The following SPATA17 variants were observed in gnomAD, a reference collection of about 807,000 sequenced individuals.
The protein encoded by SPATA17 is spermatogenesis-associated protein 17.
A neutral mutation model predicts 62.2 loss-of-function variants in SPATA17; 53 were observed. The ratio of observed to expected loss-of-function variants is 0.85; its 90% CI spans 0.68 to 1.07. The LOEUF (loss-of-function observed/expected upper bound fraction) is 1.07. Ranked by LOEUF, SPATA17 falls within the 50% of genes least tolerant of loss-of-function variation. The pLI is 0.00. For missense variants in SPATA17, 466 were observed against 425.5 expected (o/e 1.10, Z -0.84); for synonymous variants, 146 against 146.8 (o/e 0.99, Z 0.04).
In SPATA17 at chr1:217,792,273, C is replaced by T. The variant is rs190495781; in HGVS notation, c.873-9445C>T. 6.6e-3 allele frequency among the ~76,000 whole-genome samples: 1,005 copies of T among 152,054 alleles called. 13 individuals are homozygous for T. The highest frequency in any genetic ancestry group is 7.9e-3 in the Non-Finnish European group (535 of 67,988). On this transcript the variant is annotated intron_variant, in intron 8 of 10. Transcript: ENST00000366933. ...ATCACTGTCTCAGAGCTTTCTTACTCGCAAAGAACAAAGATCCATTCAAGG... is the reference window on the plus strand; with the variant it reads ...ATCACTGTCTCAGAGCTTTCTTACTTGCAAAGAACAAAGATCCATTCAAGG...
chr1:217,686,544 C>T (rs1350418295), intron 5 of SPATA17, among the ~76,000 whole-genome samples: 3 of 137,154 alleles, frequency 2.2e-5, no homozygotes, highest in African/African-American at 7.8e-5. Flanking sequence ...TTTCTTTTAA[C>T]TTATTTTTGT....
intron 9 of SPATA17, among the ~76,000 whole-genome samples, chr1:217,840,885 T>A (rs899451321): frequency 1.3e-5 from 2 of 151,670 alleles, no homozygotes; most frequent in African/African-American, 4.8e-5. Flanking sequence ...AAAATAATAA[T>A]AATAGTAACA....
At position 217,871,473 on chromosome 1, in the gene SPATA17, A is replaced by G. The variant is rs543209847; in HGVS notation, c.*4454A>G. 2 of 152,194 alleles carry G rather than the reference A, an allele frequency of 1.3e-5. No individual in the cohort carries two copies. Among genetic ancestry groups the G allele is most frequent in the South Asian group, 4.1e-4 (2 of 4,826 alleles). The allele number at this position is 152,194 out of a possible 1,614,324, so 9.4% of individuals were successfully genotyped here. On this transcript the variant is annotated 3_prime_UTR_variant, in exon 11 of 11. Coordinates refer to ENST00000366933, the MANE Select transcript of SPATA17 (RefSeq NM_138796.4). ...TGGCTCAAAGCCTTTTAGGAACAAT[A>G]AGTTACTGAATTATATGAACCTATT...
At chr1:217,726,507 C>T (rs191779246) in intron 5 of SPATA17, among the ~76,000 whole-genome samples, 337 of 152,236 alleles carry the variant, frequency 2.2e-3, no homozygotes, top group Non-Finnish European at 4.0e-3. Context: ...TCACTAGGGC[C>T]GTCAAACTTG....
intron 6 of SPATA17, among the ~76,000 whole-genome samples, chr1:217,748,031 C>T (rs1672805930): frequency 6.6e-6 from 1 of 152,156 alleles, no homozygotes; most frequent in Non-Finnish European, 1.5e-5. Flanking sequence ...TGGCCGGGCG[C>T]GGTGGCTCAC....
At chr1:217,801,910 A>G in intron 9 of SPATA17, 60 bp downstream of exon 9, 1 of 1,431,958 alleles carries the variant, frequency 7.0e-7, no homozygotes, top group South Asian at 1.3e-5. Context: ...ATATACATTA[A>G]TTAGAGCAAA....
intron 9 of SPATA17, among the ~76,000 whole-genome samples, chr1:217,853,253 T>C (rs1675704821): frequency 6.6e-6 from 1 of 152,208 alleles, no homozygotes; most frequent in Non-Finnish European, 1.5e-5. Flanking sequence ...AATGCTTCGC[T>C]TATTCATTAC....
chr1:217,798,727 T>A (rs922387617), intron 8 of SPATA17, among the ~76,000 whole-genome samples: 1 of 152,218 alleles, frequency 6.6e-6, no homozygotes, highest in Admixed American at 6.5e-5. Flanking sequence ...GACAGGAGTA[T>A]CTGCAACTGG....
chr1:217,769,752 A>C (rs1292707003), intron 6 of SPATA17, among the ~76,000 whole-genome samples: 1 of 152,242 alleles, frequency 6.6e-6, no homozygotes, highest in African/African-American at 2.4e-5. Flanking sequence ...TCCTTTGTGA[A>C]TCCCTAATGT....
At chr1:217,836,952 G>A (rs923352713) in intron 9 of SPATA17, among the ~76,000 whole-genome samples, 3 of 152,040 alleles carry the variant, frequency 2.0e-5, no homozygotes, top group Non-Finnish European at 4.4e-5. Flanking sequence ...AACCACAAGA[G>A]TTATTTTGGG....
chr1:217,766,242 C>A (rs2102966612), intron 6 of SPATA17, among the ~76,000 whole-genome samples: 1 of 151,966 alleles, frequency 6.6e-6, no homozygotes, highest in East Asian at 1.9e-4. Context: ...GCCCCTTGTT[C>A]TTTGCTTCTT....
chr1:217,838,441 C>T lies in SPATA17; in HGVS notation c.1006-24333C>T, dbSNP rs1010647644. Among the ~76,000 whole-genome samples, 6 of 151,842 alleles carry T rather than the reference C, an allele frequency of 4.0e-5. No individual in the cohort carries two copies. The East Asian group carries it at 5.8e-4, about 15-fold the overall frequency. Reference sequence around the variant, plus strand: ...CATCTCACTAAACTATTTTCCAGTTCGCTCATTATAGGTCCATTAAAGAAA... The same window carrying T: ...CATCTCACTAAACTATTTTCCAGTTTGCTCATTATAGGTCCATTAAAGAAA... On this transcript the variant is annotated intron_variant, in intron 9 of 10. Coordinates refer to ENST00000366933, the MANE Select transcript of SPATA17 (RefSeq NM_138796.4).
intron 9 of SPATA17, among the ~76,000 whole-genome samples, chr1:217,839,246 C>G (rs768681544): frequency 6.6e-6 from 1 of 152,036 alleles, no homozygotes; most frequent in Non-Finnish European, 1.5e-5. Flanking sequence ...ACTAGAGAAG[C>G]CTCTCATCAG....
chr1:217,806,117 G>T (rs775650831), intron 9 of SPATA17, among the ~76,000 whole-genome samples: 13 of 152,228 alleles, frequency 8.5e-5, no homozygotes, highest in Non-Finnish European at 1.6e-4. Context: ...TTGGAAGAAA[G>T]GAATGGATGA....
chr1:217,655,076 A>G (rs1670412024), intron 3 of SPATA17, among the ~76,000 whole-genome samples: 1 of 152,220 alleles, frequency 6.6e-6, no homozygotes, highest in Non-Finnish European at 1.5e-5. Context: ...TTGCTAATGT[A>G]TAGACACTAT....
intron 5 of SPATA17, among the ~76,000 whole-genome samples, chr1:217,708,954 CA>C (rs371624557): frequency 0.015 from 2,094 of 143,310 alleles, 21 homozygotes; most frequent in Non-Finnish European, 0.022. Flanking sequence ...TCAGCATATG[CA>C]AAAAAAAAAG....
chr1:217,848,302 CTA>C (rs753801133), intron 9 of SPATA17, among the ~76,000 whole-genome samples: 28 of 152,138 alleles, frequency 1.8e-4, no homozygotes, highest in Non-Finnish European at 4.1e-4. Context: ...AAAAAATAGG[CTA>C]TCTCTTGATT....
At chr1:217,862,026 G>A (rs1430162486) in intron 9 of SPATA17, among the ~76,000 whole-genome samples, 1 of 151,486 alleles carries the variant, frequency 6.6e-6, no homozygotes, top group East Asian at 1.9e-4. Flanking sequence ...CCTATAAAGA[G>A]CTGCACTCAG....
chr1:217,792,813 T>C (rs1674028655), intron 8 of SPATA17, among the ~76,000 whole-genome samples: 1 of 152,050 alleles, frequency 6.6e-6, no homozygotes, highest in South Asian at 2.1e-4. Context: ...CAAGCAAGAA[T>C]CTCCTCAGAT....
Sources: allele counts gnomAD v4.1 joint callset (sites outside exome capture counted in the v4.1 genomes callset), GRCh38; gene constraint gnomAD v4.1.1; transcripts MANE v1.5; gene names NCBI Gene and HGNC (gene_info 2026-07-23, HGNC 2026-07-21).